Variants in LRRTM1 observed in about 807,000 individuals in gnomAD.
LRRTM1 encodes the protein leucine rich repeat transmembrane neuronal 1, also known as leucine-rich repeat transmembrane neuronal protein 1.
A neutral mutation model predicts 37.3 loss-of-function variants in LRRTM1; 8 were observed. The ratio of observed to expected loss-of-function variants is 0.21; its 90% CI spans 0.13 to 0.39. The LOEUF is 0.39. LRRTM1 is among the 10% of genes least tolerant of loss of function. The pLI, the probability that LRRTM1 is intolerant of heterozygous loss-of-function variation, is 1.00. For synonymous variants in LRRTM1, 326 were observed against 316.8 expected, an observed-to-expected ratio of 1.03 and a Z score of -0.31; for missense variants, 557 against 691.0, an observed-to-expected ratio of 0.81 and a Z score of 2.17.
chr2:80,303,442 G>A lies in LRRTM1; in HGVS notation c.378C>T (p.Thr126=). 6.2e-7 allele frequency: 1 copy of A among 1,614,220 alleles called. No homozygotes were observed. The highest frequency in any genetic ancestry group is 8.5e-7 in the Non-Finnish European group (1 of 1,180,052). Residue 126 remains threonine, a synonymous_variant, in exon 2 of 2, where the codon ACC becomes ACT. Coordinates refer to ENST00000295057, the MANE Select transcript of LRRTM1 (RefSeq NM_178839.5). The surrounding 1 kb of genome is among the most constrained non-coding windows in gnomAD (Gnocchi z 7.7). ...GCCGGAAGGTGGTGTTGGGCAGTTG[G>A]GTGATCTGGTTGGAACTCAGCGTGA... ...KELTLSSNQI[T]QLPNTTFRPM...
In LRRTM1 at chr2:80,302,170, G is replaced by C; in HGVS notation, c.*81C>G. 1 of 1,526,060 alleles carries C rather than the reference G, an allele frequency of 6.6e-7. No individual in the cohort carries two copies. The highest frequency in any genetic ancestry group is 1.9e-5 in the Admixed American group (1 of 51,912). 94.5% of individuals were successfully genotyped at this position (1,526,060 alleles called of 1,614,324 possible). A position where few individuals can be genotyped will look rare whatever the true frequency, so the allele number is the denominator to read the frequency against. On this transcript the variant is annotated 3_prime_UTR_variant, in exon 2 of 2. Coordinates refer to ENST00000295057, the MANE Select transcript of LRRTM1 (RefSeq NM_178839.5). This position sits in a 1 kb window ranked among gnomAD's most constrained non-coding sequence, Gnocchi z 6.4. ...GAGCATATCAGAGCACAGACAAGGA[G>C]ACCCCAGCCTGGTGCCCGCCGGCCC...
chr2:80,292,415 G>T (rs1169832732), intron 2 of LRRTM1, among the ~76,000 whole-genome samples: 2 of 152,036 alleles, frequency 1.3e-5, no homozygotes, highest in Admixed American at 1.3e-4. Flanking sequence ...TGGGCAAGTT[G>T]TTGACCCACC....
downstream of LRRTM1, chr2:80,298,056 C>T (rs1184372371): frequency 2.0e-5 from 3 of 150,926 alleles, no homozygotes; most frequent in Admixed American, 6.6e-5. Flanking sequence ...TATATACACA[C>T]ACACACATGT....
At chr2:80,296,784 A>T (rs1675784416) in intron 2 of LRRTM1, among the ~76,000 whole-genome samples, 1 of 152,130 alleles carries the variant, frequency 6.6e-6, no homozygotes, top group Non-Finnish European at 1.5e-5. Flanking sequence ...GTTTCACAGT[A>T]TCCAGACATC....
chr2:80,302,605 T>G lies in LRRTM1; in HGVS notation c.1215A>C (p.Thr405=). The part of the protein sequence containing the change: ...ADGGEGQHDG[T]FEPATVALPG... ...GAAGAGCCACGGTGGCAGGCTCGAATGTGCCGTCGTGCTGCCCCTCCCCGC... is the reference window on the plus strand; with the variant it reads ...GAAGAGCCACGGTGGCAGGCTCGAAGGTGCCGTCGTGCTGCCCCTCCCCGC... The change falls in exon 2 of 2, where the codon ACA becomes ACC. Residue 405 remains threonine, a synonymous_variant. Transcript: ENST00000295057. The surrounding 1 kb of genome is among the most constrained non-coding windows in gnomAD (Gnocchi z 6.4). 2 of 1,606,022 alleles carry G rather than the reference T, an allele frequency of 1.2e-6. No individual in the cohort carries two copies. The highest frequency in any genetic ancestry group is 1.7e-6 in the Non-Finnish European group (2 of 1,178,636).
Position 80,303,307 on chromosome 2 carries a change from G to A in LRRTM1, c.513C>T (p.Asn171=), listed in dbSNP as rs755195234. 7.4e-6 allele frequency: 12 copies of A among 1,613,676 alleles called. No individual in the cohort carries two copies. The South Asian group carries it at 1.2e-4, about 16-fold the overall frequency. Residue 171 remains asparagine, a synonymous_variant, in exon 2 of 2, where the codon AAC becomes AAT. Coordinates refer to ENST00000295057, the MANE Select transcript of LRRTM1 (RefSeq NM_178839.5). The surrounding 1 kb of genome is among the most constrained non-coding windows in gnomAD (Gnocchi z 7.7). ...TGCGCACGGGCACAAACTGGATGGC[G>A]TTGGCCCGCATATGCAGCGTGGTGA... ...RKLTTLHMRA[N]AIQFVPVRIF... is the part of the protein sequence containing the mutation.
downstream of LRRTM1, among the ~76,000 whole-genome samples, chr2:80,301,503 CT>C (rs1676303877): frequency 6.6e-6 from 1 of 152,118 alleles, no homozygotes; most frequent in Admixed American, 6.5e-5. Flanking sequence ...CTAGGAGAAA[CT>C]GTCTGGCATT....
downstream of LRRTM1, among the ~76,000 whole-genome samples, chr2:80,300,843 C>G (rs1437489000): frequency 6.6e-6 from 1 of 151,920 alleles, no homozygotes; most frequent in East Asian, 1.9e-4. Flanking sequence ...CACCAACTGC[C>G]ACTACCACCA....
At chr2:80,301,185 T>G (rs1188314014), downstream of LRRTM1, among the ~76,000 whole-genome samples, 2 of 152,182 alleles carry the variant, frequency 1.3e-5, no homozygotes, top group African/African-American at 4.8e-5. Context: ...TTTCTCCTCA[T>G]TCCCCATAGA....
Position 80,303,592 on chromosome 2 carries a change from G to T in LRRTM1, c.228C>A (p.Ser76Arg), listed in dbSNP as rs529044191. ...GLLGLSLRYN[S>R]LSELRAGQFT... ...ACTGGCCGGCGCGCAGCTCCGAGAGGCTGTTGTAGCGCAGGGACAAGCCCA... is the reference window on the plus strand; with the variant it reads ...ACTGGCCGGCGCGCAGCTCCGAGAGTCTGTTGTAGCGCAGGGACAAGCCCA... The change falls in exon 2 of 2, where the codon AGC becomes AGA. Residue 76 changes from serine to arginine, a missense_variant. Ser to Arg is a moderately radical substitution (Grantham distance 110). This residue lies in a region of LRRTM1 where 140 missense variants were observed against 138.1 expected (regional missense o/e 1.01). Transcript: ENST00000295057. This position sits in a 1 kb window ranked among gnomAD's most constrained non-coding sequence, Gnocchi z 7.7. 3.5e-5 allele frequency: 57 copies of T among 1,614,220 alleles called. No individual in the cohort carries two copies. The East Asian group carries it at 1.1e-3, about 32-fold the overall frequency.
At position 80,302,614 on chromosome 2, in the gene LRRTM1, G is replaced by T; in HGVS notation, c.1206C>A (p.His402Gln). The change falls in exon 2 of 2, where the codon CAC (histidine) becomes CAA (glutamine). Residue 402 changes from histidine to glutamine, a missense_variant. By Grantham distance (24) the His-to-Gln change is conservative. Transcript: ENST00000295057. The surrounding 1 kb of genome is among the most constrained non-coding windows in gnomAD (Gnocchi z 6.4). Reference protein sequence around the residue: ...TTLADGGEGQHDGTFEPATVA... With the variant: ...TTLADGGEGQQDGTFEPATVA... The stretch of plus-strand genomic sequence containing the variant: ...CGGTGGCAGGCTCGAATGTGCCGTC[G>T]TGCTGCCCCTCCCCGCCGTCCGCGA... 1.2e-6 allele frequency: 2 copies of T among 1,605,822 alleles called. No individual in the cohort carries two copies. Among genetic ancestry groups the T allele is most frequent in the Non-Finnish European group, 1.7e-6 (2 of 1,178,508 alleles).
chr2:80,299,494 A>G (rs2149199303), downstream of LRRTM1: 1 of 152,292 alleles, frequency 6.6e-6, no homozygotes, highest in Admixed American at 6.5e-5. Context: ...ACAGACACAC[A>G]CACAAAGTAA....
chr2:80,301,931 T>A lies in LRRTM1; in HGVS notation c.*320A>T, dbSNP rs1368890684. The A allele has an allele frequency of 4.6e-6, 1 of 217,274 alleles. No individual in the cohort carries two copies. Among genetic ancestry groups the A allele is most frequent in the Non-Finnish European group, 8.9e-6 (1 of 111,846 alleles). The allele number at this position is 217,274 out of a possible 1,614,324, so 13.5% of individuals were successfully genotyped here. A position where few individuals can be genotyped will look rare whatever the true frequency, so the allele number is the denominator to read the frequency against. ...TTTTAGTTTACAAAAAAAAAAAAAA[T>A]CAATGATTGGTACCTTTTTTACACT... On this transcript the variant is annotated 3_prime_UTR_variant, in exon 2 of 2. Coordinates refer to ENST00000295057, the MANE Select transcript of LRRTM1 (RefSeq NM_178839.5).
chr2:80,295,206 T>C (rs1675633536), intron 2 of LRRTM1, among the ~76,000 whole-genome samples: 1 of 149,786 alleles, frequency 6.7e-6, no homozygotes, highest in Admixed American at 6.7e-5. Context: ...TAGTATGTCA[T>C]TTTGAGAGTC....
rs372502309 is a variant in LRRTM1, at chr2:80,303,582, G to C, written c.238C>G (p.Leu80Val). 1 of 1,614,222 alleles carries C rather than the reference G, an allele frequency of 6.2e-7. No homozygotes were observed. The highest frequency in any genetic ancestry group is 8.5e-7 in the Non-Finnish European group (1 of 1,180,038). Residue 80 changes from leucine (L) to valine (V), a missense_variant, in exon 2 of 2, where the codon CTG (leucine) becomes GTG (valine). Physicochemically the swap from Leu to Val is conservative, Grantham distance 32. Around this residue, in one of 5 missense-constraint regions of LRRTM1, gnomAD observed 140 missense variants for 138.1 expected, o/e 1.01. Transcript: ENST00000295057. This position sits in a 1 kb window ranked among gnomAD's most constrained non-coding sequence, Gnocchi z 7.7. ...LSLRYNSLSE[L>V]RAGQFTGLMQ... The stretch of plus-strand genomic sequence containing the variant: ...AACCCCGTGAACTGGCCGGCGCGCA[G>C]CTCCGAGAGGCTGTTGTAGCGCAGG...
At chr2:80,296,123 TAGAGGCATGCAATGTGTA>T (rs1675718513) in intron 2 of LRRTM1, among the ~76,000 whole-genome samples, 2 of 152,158 alleles carry the variant, frequency 1.3e-5, no homozygotes, top group Admixed American at 6.5e-5. Flanking sequence ...GATATTTTGA[TAGAGGCATGCAATGTGTA>T]ACAATTGCAT....
intron 2 of LRRTM1, among the ~76,000 whole-genome samples, chr2:80,289,387 T>C (rs1481769556): frequency 6.6e-6 from 1 of 152,204 alleles, no homozygotes; most frequent in Non-Finnish European, 1.5e-5. Context: ...CTTGCCCTAC[T>C]AATCTCTACC....
intron 2 of LRRTM1, among the ~76,000 whole-genome samples, chr2:80,291,066 A>G (rs1399789362): frequency 6.6e-6 from 1 of 152,216 alleles, no homozygotes; most frequent in South Asian, 2.1e-4. Context: ...CCCAAAGAAC[A>G]AGGTGTGGCT....
intron 2 of LRRTM1, among the ~76,000 whole-genome samples, chr2:80,289,977 A>T (rs1158926758): frequency 1.3e-5 from 2 of 152,146 alleles, no homozygotes; most frequent in African/African-American, 4.8e-5. Context: ...ACTGTGTGTG[A>T]GGGGCCAACC....
Sources: allele counts gnomAD v4.1 joint callset (sites outside exome capture counted in the v4.1 genomes callset), GRCh38; gene constraint gnomAD v4.1.1; regional missense constraint gnomAD v4.1.1; non-coding constraint Gnocchi (gnomAD v3.1); transcripts MANE v1.5; gene names NCBI Gene and HGNC (gene_info 2026-07-23, HGNC 2026-07-21).